Variants in CTNNA2 observed in about 807,000 individuals in gnomAD.
CTNNA2 encodes catenin alpha-2.
Under a neutral mutation model 101.0 loss-of-function variants are expected in CTNNA2, and 42 were observed. The observed-to-expected ratio is 0.42, with a 90% CI of 0.32 to 0.54. CTNNA2 has a LOEUF of 0.54. Ranked by LOEUF, CTNNA2 falls within the 20% of genes least tolerant of loss-of-function variation. The pLI is 0.14. For missense variants in CTNNA2, 871 were observed against 1,223.1 expected, an observed-to-expected ratio of 0.71 and a Z score of 4.29; for synonymous variants, 450 against 456.4, an observed-to-expected ratio of 0.99 and a Z score of 0.18.
At chr2:80,388,749 A>G (rs1330121118) in intron 7 of CTNNA2, among the ~76,000 whole-genome samples, 1 of 152,248 alleles carries the variant, frequency 6.6e-6, no homozygotes, top group Non-Finnish European at 1.5e-5. Flanking sequence ...GATGATGTCA[A>G]AATAAATACT....
chr2:79,461,885 G>A (rs1670883276), intron 4 of CTNNA2, among the ~76,000 whole-genome samples: 1 of 151,974 alleles, frequency 6.6e-6, no homozygotes, highest in Admixed American at 6.6e-5. Flanking sequence ...TGAAGATCTA[G>A]CTTAAGAACT....
At chr2:80,033,938 A>G (rs1290961868) in intron 7 of CTNNA2, among the ~76,000 whole-genome samples, 1 of 150,756 alleles carries the variant, frequency 6.6e-6, no homozygotes, top group African/African-American at 2.4e-5. Context: ...GCCACACACC[A>G]GCATAGATTA....
At chr2:80,554,487 G>A (rs1290024547) in intron 11 of CTNNA2, among the ~76,000 whole-genome samples, 1 of 152,092 alleles carries the variant, frequency 6.6e-6, no homozygotes, top group Non-Finnish European at 1.5e-5. Context: ...TATGTCTCAT[G>A]GTTCTGGAGG....
intron 12 of CTNNA2, among the ~76,000 whole-genome samples, chr2:80,561,368 A>G (rs1354489160): frequency 3.3e-5 from 5 of 152,208 alleles, no homozygotes; most frequent in South Asian, 4.1e-4. Flanking sequence ...TCTTTTTTAT[A>G]TGACTAAAAC....
chr2:79,690,770 G>A (rs1558842032), intron 2 of CTNNA2, among the ~76,000 whole-genome samples: 2 of 151,984 alleles, frequency 1.3e-5, no homozygotes, highest in African/African-American at 4.8e-5. Context: ...GGGCAGAAGA[G>A]ATGAACCTGC....
At chr2:80,128,825 C>T (rs1334359524) in intron 7 of CTNNA2, among the ~76,000 whole-genome samples, 3 of 152,012 alleles carry the variant, frequency 2.0e-5, no homozygotes, top group Admixed American at 6.6e-5. Flanking sequence ...GTTTGGGAGT[C>T]GTCACCAGGC....
intron 7 of CTNNA2, among the ~76,000 whole-genome samples, chr2:79,999,717 T>G (rs1692804019): frequency 6.6e-6 from 1 of 152,232 alleles, no homozygotes; most frequent in Non-Finnish European, 1.5e-5. Flanking sequence ...AACAAATATT[T>G]ATTGCATCTC....
chr2:79,599,440 A>G lies in CTNNA2; in HGVS notation c.-5-52112A>G, dbSNP rs570322774. Among the ~76,000 whole-genome samples, 12 of 152,290 alleles carry G rather than the reference A, an allele frequency of 7.9e-5. No individual in the cohort carries two copies. In the East Asian group the frequency reaches 2.1e-3, roughly 27 times the overall value. ...AATAAATCTCATGGATATTTTTATGAATACATAATGCACAGAACTAAATTT... is the reference window on the plus strand; with the variant it reads ...AATAAATCTCATGGATATTTTTATGGATACATAATGCACAGAACTAAATTT... On this transcript the variant is annotated intron_variant, in intron 1 of 18. Coordinates refer to ENST00000402739, the MANE Select transcript of CTNNA2 (RefSeq NM_001282597.3).
chr2:80,426,905 T>C (rs1559100806), intron 9 of CTNNA2, among the ~76,000 whole-genome samples: 2 of 152,084 alleles, frequency 1.3e-5, no homozygotes, highest in Non-Finnish European at 2.9e-5. Flanking sequence ...GCTTTCAGCC[T>C]GAATATCATG....
intron 12 of CTNNA2, among the ~76,000 whole-genome samples, chr2:80,570,677 T>A (rs1558599514): frequency 2.0e-5 from 3 of 152,224 alleles, no homozygotes; most frequent in South Asian, 2.1e-4. Context: ...GCCTCTATTT[T>A]AAAAATAAAG....
At chr2:80,046,031 G>A (rs917063601) in intron 7 of CTNNA2, among the ~76,000 whole-genome samples, 5 of 152,132 alleles carry the variant, frequency 3.3e-5, no homozygotes, top group Admixed American at 2.0e-4. Context: ...AACCAGTTCC[G>A]CAAAGGCCAG....
At chr2:80,521,212 G>A (rs762358753) in intron 9 of CTNNA2, among the ~76,000 whole-genome samples, 6 of 152,144 alleles carry the variant, frequency 3.9e-5, no homozygotes, top group Non-Finnish European at 8.8e-5. Flanking sequence ...AGTAAGTTGA[G>A]GGAACAGGAT....
rs560020604 is a variant in CTNNA2 at position 79,374,008 on chromosome 2, C to G, written c.-140C>G. The G allele has an allele frequency of 2.6e-5, 4 of 152,304 alleles. No individual in the cohort carries two copies. In the South Asian group the frequency reaches 8.3e-4, roughly 32 times the overall value. The allele number at this position is 152,304 out of a possible 1,614,324, so 9.4% of individuals were successfully genotyped here. On this transcript the variant is annotated 5_prime_UTR_variant, in exon 4 of 22. Coordinates refer to the CTNNA2 transcript ENST00000466387. ...GTCCATGAATGTCATCTGGCTGAAC[C>G]TAAAGGCAAGACCTTTTTAACTTAT... is the stretch of plus-strand genomic sequence containing the variant.
At chr2:79,615,222 T>C (rs1405119130) in intron 1 of CTNNA2, among the ~76,000 whole-genome samples, 6 of 151,666 alleles carry the variant, frequency 4.0e-5, no homozygotes, top group Admixed American at 6.5e-5. Flanking sequence ...ATTCAGCTTT[T>C]AGTGTGATCT....
At chr2:79,456,509 T>A (rs539810413) in intron 4 of CTNNA2, among the ~76,000 whole-genome samples, 1 of 152,338 alleles carries the variant, frequency 6.6e-6, no homozygotes, top group South Asian at 2.1e-4. Flanking sequence ...TCTCATTTGG[T>A]GCTGTATTAA....
Position 79,499,570 on chromosome 2 carries a change from G to A in CTNNA2, c.-134-5484G>A, listed in dbSNP as rs114785182. The stretch of plus-strand genomic sequence containing the variant: ...CAGACACTATTAGGACCCCTTTAGA[G>A]CTCCCCTCTAGATTTCTTACGCCAC... On this transcript the variant is annotated intron_variant, in intron 4 of 21. Transcript: ENST00000466387. Among the ~76,000 whole-genome samples the A allele has an allele frequency of 8.6e-3, 1,309 of 152,228 alleles. 20 individuals carry two copies. The highest frequency in any genetic ancestry group is 0.03 in the African/African-American group (1,250 of 41,544).
intron 7 of CTNNA2, chr2:80,313,715 C>T: frequency 7.9e-7 from 1 of 1,263,850 alleles, no homozygotes; most frequent in Non-Finnish European, 1.1e-6. Context: ...GAAAGACTTT[C>T]AACTAGAAAT....
intron 3 of CTNNA2, among the ~76,000 whole-genome samples, chr2:79,353,183 G>A (rs1157452543): frequency 6.6e-6 from 1 of 152,106 alleles, no homozygotes; most frequent in Non-Finnish European, 1.5e-5. Flanking sequence ...AAATATTTTG[G>A]TATGTTGTGT....
intron 2 of CTNNA2, among the ~76,000 whole-genome samples, chr2:79,221,554 C>A (rs546703914): frequency 6.6e-6 from 1 of 152,134 alleles, no homozygotes; most frequent in African/African-American, 2.4e-5. Context: ...TATAATCATC[C>A]TCATAAAATG....
Sources: gnomAD v4.1 joint callset for allele counts (sites outside exome capture counted in the v4.1 genomes callset) on GRCh38, gnomAD v4.1.1 for gene constraint, MANE v1.5 for transcripts, NCBI Gene and HGNC (gene_info 2026-07-23, HGNC 2026-07-21) for gene names.